Variants in ABL2 observed in about 807,000 individuals in gnomAD.
ABL2 encodes the protein ABL proto-oncogene 2, non-receptor tyrosine kinase.
Under a neutral mutation model 107.7 loss-of-function variants are expected in ABL2, and 49 were observed. That is an observed-to-expected ratio of 0.45 (90% CI 0.36 to 0.58). The LOEUF (loss-of-function observed/expected upper bound fraction) is 0.58. ABL2 is among the 20% of genes least tolerant of loss of function. The pLI is 0.00. For synonymous variants in ABL2, 549 were observed against 548.6 expected (o/e 1.00, Z -0.01); for missense variants, 1,245 against 1,457.0 (o/e 0.85, Z 2.37).
At chr1:179,141,272 T>C (rs111561434) in intron 1 of ABL2, among the ~76,000 whole-genome samples, 667 of 150,958 alleles carry the variant, frequency 4.4e-3, no homozygotes, top group Non-Finnish European at 5.4e-3. Context: ...ATCTAGACAA[T>C]AGAACAAAAC....
In ABL2 at chr1:179,147,334, T is replaced by C. The variant is rs573393161; in HGVS notation, c.158-13960A>G. ...TCTCAAAGAACTACAAGTAGAACTA[T>C]ACTTCAATCCAGCAATCCCACTACT... is the stretch of plus-strand genomic sequence containing the variant. On this transcript the variant is annotated intron_variant, in intron 1 of 11. Transcript: ENST00000502732. 3.3e-5 allele frequency among the ~76,000 whole-genome samples: 5 copies of C among 152,114 alleles called. No homozygotes were observed. The East Asian group carries it at 7.8e-4, about 24-fold the overall frequency.
chr1:179,100,765 T>A lies in ABL2; in HGVS notation c.*6953A>T, dbSNP rs564418046. On this transcript the variant is annotated 3_prime_UTR_variant, in exon 12 of 12. Coordinates refer to ENST00000502732, the MANE Select transcript of ABL2 (RefSeq NM_007314.4). Reference sequence around the variant, plus strand: ...CCAGAATAGACACAGATGACATGTATCACAATTCTGCTCCAAATATGGTGT... The same window carrying A: ...CCAGAATAGACACAGATGACATGTAACACAATTCTGCTCCAAATATGGTGT... 2 of 231,708 alleles carry A rather than the reference T, an allele frequency of 8.6e-6. No homozygotes were observed. The highest frequency in any genetic ancestry group is 3.6e-4 in the South Asian group (2 of 5,508). The allele number at this position is 231,708 out of a possible 1,614,324, so 14.4% of individuals were successfully genotyped here.
intron 3 of ABL2, among the ~76,000 whole-genome samples, chr1:179,127,748 A>C (rs984833202): frequency 3.9e-5 from 6 of 152,106 alleles, no homozygotes; most frequent in Non-Finnish European, 8.8e-5. Flanking sequence ...GCACATGGCC[A>C]TGGCTGAGCG....
At chr1:179,174,905 AAAATAAAAT>A (rs1291218353) in intron 1 of ABL2, among the ~76,000 whole-genome samples, 68 of 119,946 alleles carry the variant, frequency 5.7e-4, no homozygotes, top group Non-Finnish European at 6.3e-4. Context: ...CAAAAAAAAA[AAAATAAAAT>A]AAAAAAAATA....
Position 179,185,967 on chromosome 1 carries a change from C to T in ABL2, c.157+43274G>A, listed in dbSNP as rs893176491. 1.7e-4 allele frequency among the ~76,000 whole-genome samples: 26 copies of T among 152,000 alleles called. 1 individual carries two copies. The highest frequency in any genetic ancestry group is 1.6e-3 in the Admixed American group (25 of 15,246). Reference sequence around the variant, plus strand: ...AGAGTAGAGAAAATTAGCAATGGGCCGGGCGCAGTGGCTCACCCTGTAATC... The same window carrying T: ...AGAGTAGAGAAAATTAGCAATGGGCTGGGCGCAGTGGCTCACCCTGTAATC... On this transcript the variant is annotated intron_variant, in intron 1 of 11. Coordinates refer to ENST00000502732, the MANE Select transcript of ABL2 (RefSeq NM_007314.4).
chr1:179,128,559 G>T (rs893991591), intron 3 of ABL2, among the ~76,000 whole-genome samples: 5 of 152,098 alleles, frequency 3.3e-5, no homozygotes, highest in African/African-American at 1.2e-4. Flanking sequence ...TTTGTTTGTT[G>T]TTCTTTTTTT....
At chr1:179,199,720 T>C (rs1241394939) in intron 1 of ABL2, among the ~76,000 whole-genome samples, 2 of 136,622 alleles carry the variant, frequency 1.5e-5, no homozygotes, top group African/African-American at 2.6e-5. Context: ...CCAAAACCCA[T>C]ACACTTTTTC....
chr1:179,220,864 C>T, intron 1 of ABL2: 2 of 163,116 alleles, frequency 1.2e-5, no homozygotes, highest in Non-Finnish European at 2.7e-5. Context: ...CTCCAGACTG[C>T]CCTTCCCACT....
intron 1 of ABL2, among the ~76,000 whole-genome samples, chr1:179,206,501 TAA>T (rs71685132): frequency 0.021 from 2,760 of 128,584 alleles, 91 homozygotes; most frequent in African/African-American, 0.07. Context: ...TGCATCCATT[TAA>T]AAAAAAAAAA....
chr1:179,184,758 C>T (rs1458904712), intron 1 of ABL2, among the ~76,000 whole-genome samples: 2 of 152,126 alleles, frequency 1.3e-5, no homozygotes, highest in African/African-American at 2.4e-5. Flanking sequence ...GAGTAAGTTG[C>T]AGTCTTTTTT....
chr1:179,185,722 A>T (rs1557983393), intron 1 of ABL2, among the ~76,000 whole-genome samples: 1 of 152,228 alleles, frequency 6.6e-6, no homozygotes, highest in African/African-American at 2.4e-5. Flanking sequence ...AGGTAGCTGT[A>T]CATAAAGATT....
At position 179,174,920 on chromosome 1, in the gene ABL2, A is replaced by AT. The variant is rs1553228695; in HGVS notation, c.158-41547_158-41546insA. ...CAAAAAAAAAAAAATAAAATAAAAA[A>AT]AATAATAATAATAATAATAATAATT... On this transcript the variant is annotated intron_variant, in intron 1 of 11. Transcript: ENST00000502732. Among the ~76,000 whole-genome samples, 494 of 122,760 alleles carry AT rather than the reference A, an allele frequency of 4.0e-3. 11 individuals are homozygous for AT. The highest frequency in any genetic ancestry group is 0.022 in the East Asian group (91 of 4,106). The allele number at this position is 122,760 out of a possible 152,430, so 80.5% of individuals were successfully genotyped here.
At chr1:179,183,267 G>A (rs747379964) in intron 1 of ABL2, among the ~76,000 whole-genome samples, 65 of 151,998 alleles carry the variant, frequency 4.3e-4, no homozygotes, top group Non-Finnish European at 7.5e-4. Context: ...TACTTAATGC[G>A]TACAACTTAC....
chr1:179,108,314 G>C lies in ABL2; in HGVS notation c.2953C>G (p.Pro985Ala). 1.9e-6 allele frequency: 3 copies of C among 1,614,110 alleles called. No homozygotes were observed. The highest frequency in any genetic ancestry group is 2.5e-6 in the Non-Finnish European group (3 of 1,180,020). The change falls in exon 12 of 12, where the codon CCC (proline) becomes GCC (alanine). Residue 985 changes from proline to alanine, a missense_variant. Pro to Ala is a conservative substitution (Grantham distance 27, BLOSUM62 -1). Transcript: ENST00000502732. ...PRRVKPKCAPPPPPVMRLLQH... is the reference protein window; with the variant it reads ...PRRVKPKCAPAPPPVMRLLQH... ...AGTAGTCTCATCACTGGTGGTGGGG[G>C]TGGGGCACACTTTGGTTTTACCCGT...
rs1302539558 is a variant in ABL2 at position 179,100,801 on chromosome 1, C to G, written c.*6917G>C. The G allele has an allele frequency of 1.3e-5, 3 of 232,212 alleles. No homozygotes were observed. The highest frequency in any genetic ancestry group is 2.2e-5 in the African/African-American group (1 of 45,286). 14.4% of individuals were successfully genotyped at this position (232,212 alleles called of 1,614,324 possible). Reference sequence around the variant, plus strand: ...CTCCAAATATGGTGTGGTCTGAGGACAGTGCTGTGCCTGGCCTTTCCCCTT... The same window carrying G: ...CTCCAAATATGGTGTGGTCTGAGGAGAGTGCTGTGCCTGGCCTTTCCCCTT... On this transcript the variant is annotated 3_prime_UTR_variant, in exon 12 of 12. Coordinates refer to ENST00000502732, the MANE Select transcript of ABL2 (RefSeq NM_007314.4).
rs565484396 is a variant in ABL2, at chr1:179,131,799, C to A, written c.221-318G>T. Among the ~76,000 whole-genome samples the A allele has an allele frequency of 2.0e-5, 3 of 152,252 alleles. No individual in the cohort carries two copies. The South Asian group carries it at 6.2e-4, about 32-fold the overall frequency. ...GTTTTCTCAAAATGGAAAAAAGAAT[C>A]TCAAAGAGAAATGGTTACTAGCTTT... On this transcript the variant is annotated intron_variant, in intron 2 of 11. Coordinates refer to ENST00000502732, the MANE Select transcript of ABL2 (RefSeq NM_007314.4).
rs563168073 is a variant in ABL2 at position 179,117,708 on chromosome 1, G to A, written c.1224-192C>T. ...CACTGTAGAGCACTCATCAAGATGC[G>A]GAATAAAGCAGGCTTTATAAAATGG... On this transcript the variant is annotated intron_variant, in intron 7 of 11. Coordinates refer to ENST00000502732, the MANE Select transcript of ABL2 (RefSeq NM_007314.4). Among the ~76,000 whole-genome samples, 11 of 152,236 alleles carry A rather than the reference G, an allele frequency of 7.2e-5. No individual in the cohort carries two copies. In the South Asian group the frequency reaches 1.0e-3, roughly 14 times the overall value.
At chr1:179,190,369 A>T (rs1660929818) in intron 1 of ABL2, among the ~76,000 whole-genome samples, 1 of 152,208 alleles carries the variant, frequency 6.6e-6, no homozygotes. Context: ...AAAGATACAG[A>T]TGAACAACCA....
intron 1 of ABL2, among the ~76,000 whole-genome samples, chr1:179,223,541 A>C (rs1663002362): frequency 6.6e-6 from 1 of 152,160 alleles, no homozygotes; most frequent in Non-Finnish European, 1.5e-5. Context: ...CTATGAGAAC[A>C]GAATCTGTAC....
Sources: gnomAD v4.1 joint callset for allele counts (sites outside exome capture counted in the v4.1 genomes callset) on GRCh38, gnomAD v4.1.1 for gene constraint, MANE v1.5 for transcripts, NCBI Gene and HGNC (gene_info 2026-07-23, HGNC 2026-07-21) for gene names.